Variants in KLHL14 observed in about 807,000 individuals in gnomAD.
KLHL14 encodes kelch-like protein 14.
Under a neutral mutation model 64.3 loss-of-function variants are expected in KLHL14, and 22 were observed. The ratio of observed to expected loss-of-function variants is 0.34; its 90% confidence interval spans 0.24 to 0.49. The LOEUF (loss-of-function observed/expected upper bound fraction) is 0.49. Among genes scored for constraint, KLHL14 ranks in the 20% least tolerant of loss-of-function variants. KLHL14 has a pLI of 0.99. For synonymous variants in KLHL14, 322 were observed against 333.4 expected (o/e 0.97, Z 0.37); for missense variants, 661 against 789.0 (o/e 0.84, Z 1.94).
chr18:32,685,011 AT>A (rs1568064198), intron 5 of KLHL14, among the ~76,000 whole-genome samples: 1 of 151,920 alleles, frequency 6.6e-6, no homozygotes, highest in East Asian at 1.9e-4. Flanking sequence ...GGAGCTCTTT[AT>A]TTGGTCTATC....
chr18:32,686,177 A>ATTTTTTTTTTTTTTTTTTTT (rs148393455), intron 5 of KLHL14, among the ~76,000 whole-genome samples: 9 of 107,648 alleles, frequency 8.4e-5, no homozygotes, highest in Non-Finnish European at 1.1e-4. Context: ...GTGCCCGGCT[A>ATTTTTTTTTTTTTTTTTTTT]TTTTTTTTTT....
chr18:32,708,259 G>A (rs530243162), intron 3 of KLHL14, among the ~76,000 whole-genome samples: 2 of 152,164 alleles, frequency 1.3e-5, no homozygotes, highest in East Asian at 1.9e-4. Context: ...GAATCCACTA[G>A]TGCCCAGCAC....
intron 3 of KLHL14, among the ~76,000 whole-genome samples, chr18:32,741,452 A>T (rs1488965970): frequency 6.6e-6 from 1 of 152,214 alleles, no homozygotes; most frequent in Non-Finnish European, 1.5e-5. Flanking sequence ...GTATAAGGGG[A>T]CATTTCTCTA....
At chr18:32,713,987 TAAAC>T (rs1346267213) in intron 3 of KLHL14, among the ~76,000 whole-genome samples, 1 of 152,130 alleles carries the variant, frequency 6.6e-6, no homozygotes, top group Non-Finnish European at 1.5e-5. Context: ...TACATATAAA[TAAAC>T]ATATTTTTGC....
intron 2 of KLHL14, among the ~76,000 whole-genome samples, chr18:32,742,555 G>T (rs781312890): frequency 1.4e-4 from 21 of 152,182 alleles, no homozygotes; most frequent in Non-Finnish European, 1.2e-4. Flanking sequence ...GTAGCACAGG[G>T]CTAACTGGGG....
At chr18:32,718,065 A>G (rs944146577) in intron 3 of KLHL14, among the ~76,000 whole-genome samples, 1 of 152,188 alleles carries the variant, frequency 6.6e-6, no homozygotes, top group Non-Finnish European at 1.5e-5. Flanking sequence ...TATTGCCGTA[A>G]ATCAGACCCT....
intron 3 of KLHL14, among the ~76,000 whole-genome samples, chr18:32,707,936 A>T (rs909569470): frequency 9.2e-5 from 14 of 152,202 alleles, no homozygotes; most frequent in African/African-American, 3.4e-4. Flanking sequence ...CTGATACAGT[A>T]GGAGATGGAG....
Position 32,770,363 on chromosome 18 carries a change from C to G in KLHL14, c.229G>C (p.Gly77Arg), listed in dbSNP as rs913767156. Residue 77 changes from glycine (G) to arginine (R), a missense_variant, in exon 2 of 9, where the codon GGC (glycine) becomes CGC (arginine). Gly to Arg is a moderately radical substitution (Grantham distance 125, BLOSUM62 -2). Coordinates refer to ENST00000359358, the MANE Select transcript of KLHL14 (RefSeq NM_020805.3). This position sits in a 1 kb window ranked among gnomAD's most constrained non-coding sequence, Gnocchi z 6.7. ...PLGGGVGGQD[G>R]LGAPKDQQQP... ...TGCTGGTCCTTGGGGGCCCCCAGGC[C>G]GTCCTGGCCGCCGACCCCTCCCCCG... 6.3e-7 allele frequency: 1 copy of G among 1,585,962 alleles called. No individual in the cohort carries two copies. The highest frequency in any genetic ancestry group is 8.6e-7 in the Non-Finnish European group (1 of 1,166,096).
intron 5 of KLHL14, among the ~76,000 whole-genome samples, chr18:32,686,810 G>A (rs1195017086): frequency 6.6e-6 from 1 of 151,956 alleles, no homozygotes; most frequent in Non-Finnish European, 1.5e-5. Flanking sequence ...ATCATTGCAA[G>A]TATAGTATTT....
chr18:32,692,289 A>T (rs2049911328), intron 4 of KLHL14, among the ~76,000 whole-genome samples: 1 of 152,172 alleles, frequency 6.6e-6, no homozygotes, highest in Non-Finnish European at 1.5e-5. Context: ...GCATGTATTG[A>T]AATTTGCAAT....
chr18:32,718,666 G>A (rs1344145295), intron 3 of KLHL14, among the ~76,000 whole-genome samples: 2 of 152,152 alleles, frequency 1.3e-5, no homozygotes, highest in Non-Finnish European at 2.9e-5. Flanking sequence ...GTCATATATT[G>A]TAATTTAAGG....
chr18:32,698,947 T>C (rs2144489010), intron 3 of KLHL14, among the ~76,000 whole-genome samples: 1 of 152,292 alleles, frequency 6.6e-6, no homozygotes, highest in African/African-American at 2.4e-5. Context: ...AAAATAAACT[T>C]GGAGAGGATA....
At chr18:32,715,961 T>C (rs538119093) in intron 3 of KLHL14, among the ~76,000 whole-genome samples, 2 of 152,300 alleles carry the variant, frequency 1.3e-5, no homozygotes, top group African/African-American at 4.8e-5. Flanking sequence ...AGGTGGATCT[T>C]CAATTGGAAA....
At chr18:32,760,999 T>C (rs1347395716) in intron 2 of KLHL14, among the ~76,000 whole-genome samples, 2 of 152,232 alleles carry the variant, frequency 1.3e-5, no homozygotes, top group East Asian at 3.8e-4. Context: ...TCCTAGTGAT[T>C]TTTTGATAGG....
chr18:32,765,671 A>G (rs1158253412), intron 2 of KLHL14, among the ~76,000 whole-genome samples: 1 of 152,208 alleles, frequency 6.6e-6, no homozygotes, highest in East Asian at 1.9e-4. Context: ...TCTTAGAAAG[A>G]GAACCAACAG....
chr18:32,708,798 G>A (rs1226334661), intron 3 of KLHL14, among the ~76,000 whole-genome samples: 2 of 152,160 alleles, frequency 1.3e-5, no homozygotes, highest in Non-Finnish European at 2.9e-5. Flanking sequence ...AGAGAAGCAG[G>A]TCTGAGCAAA....
chr18:32,732,175 G>A (rs960708671), intron 3 of KLHL14, among the ~76,000 whole-genome samples: 6 of 152,174 alleles, frequency 3.9e-5, no homozygotes, highest in Admixed American at 2.0e-4. Context: ...AGTGAGTTGA[G>A]ATTGTGCCAC....
intron 3 of KLHL14, among the ~76,000 whole-genome samples, chr18:32,720,787 G>A (rs2050075056): frequency 6.6e-6 from 1 of 152,170 alleles, no homozygotes; most frequent in South Asian, 2.1e-4. Context: ...TCACTGAGAT[G>A]AAGGCCATCT....
chr18:32,687,083 A>G, intron 5 of KLHL14, 72 bp downstream of exon 5: 1 of 1,304,990 alleles, frequency 7.7e-7, no homozygotes, highest in African/African-American at 1.5e-5. Context: ...CCTTCTTACA[A>G]AAAACCACCT....
Sources: gnomAD v4.1 joint callset for allele counts (sites outside exome capture counted in the v4.1 genomes callset) on GRCh38, gnomAD v4.1.1 for gene constraint, Gnocchi (gnomAD v3.1) non-coding constraint, MANE v1.5 for transcripts, NCBI Gene and HGNC (gene_info 2026-07-23, HGNC 2026-07-21) for gene names.